The following EPHB1 variants were observed in gnomAD, a reference collection of about 807,000 sequenced individuals.
The protein encoded by EPHB1 is ephrin type-B receptor 1.
In EPHB1, 30 loss-of-function variants were observed where a neutral mutation model predicts 94.4. The ratio of observed to expected loss-of-function variants is 0.32; its 90% CI spans 0.24 to 0.43. EPHB1 has a LOEUF of 0.43. EPHB1 is among the 20% of genes least tolerant of loss of function. EPHB1 has a pLI of 1.00. For missense variants in EPHB1, 1,055 were observed against 1,308.3 expected (o/e 0.81, Z 2.99); for synonymous variants, 522 against 489.1 (o/e 1.07, Z -0.89).
chr3:135,090,574 G>C (rs1366666925), intron 3 of EPHB1, among the ~76,000 whole-genome samples: 1 of 152,200 alleles, frequency 6.6e-6, no homozygotes, highest in African/African-American at 2.4e-5. Context: ...AGCTCTGACT[G>C]AACAAACCCC....
At chr3:134,938,789 C>T (rs1290704982) in intron 2 of EPHB1, among the ~76,000 whole-genome samples, 3 of 152,092 alleles carry the variant, frequency 2.0e-5, no homozygotes, top group Non-Finnish European at 2.9e-5. Context: ...AATTGCCTCA[C>T]GAGATAGGTA....
At chr3:135,111,281 G>A (rs1036421110) in intron 4 of EPHB1, among the ~76,000 whole-genome samples, 5 of 152,304 alleles carry the variant, frequency 3.3e-5, no homozygotes, top group South Asian at 2.1e-4. Flanking sequence ...GCCCCAACCC[G>A]GAGCCACTGA....
intron 1 of EPHB1, among the ~76,000 whole-genome samples, chr3:134,865,196 A>G (rs973774671): frequency 2.6e-5 from 4 of 152,142 alleles, no homozygotes; most frequent in South Asian, 2.1e-4. Context: ...ATGTAAATCA[A>G]TGTGGTATTT....
rs137960950 is a variant in EPHB1, at chr3:134,803,710, G to T, written c.58+8021G>T. The stretch of plus-strand genomic sequence containing the variant: ...GATGAGGTAGCTGAGGCTTTGAGAA[G>T]TTAACTGGCTCAAGAGCGAAGTTTC... On this transcript the variant is annotated intron_variant, in intron 1 of 15. Transcript: ENST00000398015. 2.1e-3 allele frequency among the ~76,000 whole-genome samples: 316 copies of T among 152,356 alleles called. 1 individual carries two copies. The highest frequency in any genetic ancestry group is 7.0e-3 in the African/African-American group (292 of 41,580).
At chr3:134,851,903 C>T (rs1213241490) in intron 1 of EPHB1, among the ~76,000 whole-genome samples, 1 of 152,142 alleles carries the variant, frequency 6.6e-6, no homozygotes, top group Non-Finnish European at 1.5e-5. Flanking sequence ...TTTTCCCAGG[C>T]CCTGGAGGCC....
intron 3 of EPHB1, among the ~76,000 whole-genome samples, chr3:135,006,969 T>C (rs1935439156): frequency 6.6e-6 from 1 of 152,192 alleles, no homozygotes; most frequent in East Asian, 1.9e-4. Context: ...ATTTCTCTTC[T>C]GGGCTTATGC....
intron 1 of EPHB1, among the ~76,000 whole-genome samples, chr3:134,855,268 A>T (rs112697129): frequency 5.9e-5 from 9 of 152,336 alleles, no homozygotes; most frequent in African/African-American, 2.2e-4. Context: ...TGAAACCCAG[A>T]TGGAGGAAAA....
intron 10 of EPHB1, among the ~76,000 whole-genome samples, chr3:135,188,443 C>G (rs952129403): frequency 1.3e-5 from 2 of 151,954 alleles, no homozygotes; most frequent in African/African-American, 4.8e-5. Context: ...TGCAGTGAGT[C>G]GAGATCACGC....
At chr3:135,245,513 C>CAAAAAAAA (rs57521935) in intron 13 of EPHB1, among the ~76,000 whole-genome samples, 12 of 124,046 alleles carry the variant, frequency 9.7e-5, no homozygotes, top group African/African-American at 3.1e-4. Flanking sequence ...GAACAGTCTT[C>CAAAAAAAA]AAAAAAAAAA....
At chr3:135,109,944 G>A (rs554670128) in intron 4 of EPHB1, among the ~76,000 whole-genome samples, 3 of 152,316 alleles carry the variant, frequency 2.0e-5, no homozygotes, top group African/African-American at 7.2e-5. Context: ...GGGGTCAGCC[G>A]GGCAGAGGGA....
chr3:134,937,101 A>T (rs1428919219), intron 2 of EPHB1, among the ~76,000 whole-genome samples: 1 of 152,166 alleles, frequency 6.6e-6, no homozygotes, highest in Non-Finnish European at 1.5e-5. Flanking sequence ...GAAAAATTAG[A>T]GTGTGTCTAT....
chr3:134,883,349 C>T (rs2037799959), intron 1 of EPHB1, among the ~76,000 whole-genome samples: 1 of 152,152 alleles, frequency 6.6e-6, no homozygotes, highest in South Asian at 2.1e-4. Flanking sequence ...GCCCCTCATG[C>T]AGAGTTTATA....
chr3:135,232,248 A>G (rs143564626), intron 12 of EPHB1, among the ~76,000 whole-genome samples: 166 of 152,358 alleles, frequency 1.1e-3, no homozygotes, highest in Non-Finnish European at 1.7e-3. Context: ...TTTTAAGTTG[A>G]GACATTTATT....
chr3:135,039,256 A>G (rs1295388964), intron 3 of EPHB1, among the ~76,000 whole-genome samples: 1 of 152,184 alleles, frequency 6.6e-6, no homozygotes, highest in Non-Finnish European at 1.5e-5. Context: ...TGGTGCACTC[A>G]CAAACCTTGA....
intron 3 of EPHB1, among the ~76,000 whole-genome samples, chr3:135,046,508 A>G (rs1423024111): frequency 6.6e-6 from 1 of 152,246 alleles, no homozygotes; most frequent in Non-Finnish European, 1.5e-5. Context: ...AAATAATATC[A>G]GGTTTCAACA....
intron 3 of EPHB1, among the ~76,000 whole-genome samples, chr3:134,980,982 C>T (rs971756667): frequency 1.3e-5 from 2 of 152,166 alleles, no homozygotes; most frequent in Non-Finnish European, 2.9e-5. Context: ...ATGAGCTCAA[C>T]AGGTTCCTCT....
intron 13 of EPHB1, 60 bp from the exon 14 acceptor site, chr3:135,248,256 T>A: frequency 1.4e-6 from 2 of 1,446,666 alleles, no homozygotes; most frequent in South Asian, 1.5e-5. Context: ...GGGGATAATT[T>A]GTGAGTGACT....
intron 1 of EPHB1, among the ~76,000 whole-genome samples, chr3:134,867,557 G>A (rs1392065548): frequency 1.3e-5 from 2 of 152,178 alleles, no homozygotes; most frequent in Non-Finnish European, 2.9e-5. Flanking sequence ...CACTTGGCCT[G>A]GGGAAGGAAG....
intron 12 of EPHB1, among the ~76,000 whole-genome samples, chr3:135,215,985 T>C (rs1468743199): frequency 2.0e-5 from 3 of 152,154 alleles, no homozygotes; most frequent in Non-Finnish European, 2.9e-5. Flanking sequence ...TGACACCAAA[T>C]CCCCATCCTG....
Sources: gnomAD v4.1 joint callset for allele counts (sites outside exome capture counted in the v4.1 genomes callset) on GRCh38, gnomAD v4.1.1 for gene constraint, MANE v1.5 for transcripts, NCBI Gene and HGNC (gene_info 2026-07-23, HGNC 2026-07-21) for gene names.